ABCA5: variants seen among roughly 807,000 people sequenced by gnomAD.
ABCA5 encodes the protein ATP binding cassette subfamily A member 5, also known as cholesterol transporter ABCA5.
Under a neutral mutation model 206.0 loss-of-function variants are expected in ABCA5, and 163 were observed. The observed-to-expected ratio is 0.79, with a 90% confidence interval of 0.70 to 0.90. The LOEUF (loss-of-function observed/expected upper bound fraction) is 0.90. Among genes scored for constraint, ABCA5 ranks in the 40% least tolerant of loss-of-function variants. ABCA5 has a pLI of 0.00. For synonymous variants in ABCA5, 609 were observed against 613.8 expected (o/e 0.99, Z 0.11); for missense variants, 1,859 against 1,912.9 (o/e 0.97, Z 0.53).
chr17:69,320,466 C>T (rs2075854746), intron 1 of ABCA5, among the ~76,000 whole-genome samples: 1 of 152,014 alleles, frequency 6.6e-6, no homozygotes, highest in African/African-American at 2.4e-5. Context: ...TACTCAAAAG[C>T]TTTAGTCTAA....
Position 69,302,812 on chromosome 17 carries a change from C to G in ABCA5, c.1025G>C (p.Gly342Ala). 6.3e-7 allele frequency: 1 copy of G among 1,598,138 alleles called. No individual in the cohort carries two copies. Residue 342 changes from glycine to alanine, a missense_variant, in exon 8 of 39, where the codon GGC (glycine) becomes GCC (alanine). Coordinates refer to ENST00000392676, the MANE Select transcript of ABCA5 (RefSeq NM_172232.4). Reference protein sequence around the residue: ...FFVTVAFGFIGLMIILIESFP... With the variant: ...FFVTVAFGFIALMIILIESFP... ...ACTTTCTATGAGGATTATCATAAGGCCAATAAATCCAAAAGCCACAGTAAC... is the reference window on the plus strand; with the variant it reads ...ACTTTCTATGAGGATTATCATAAGGGCAATAAATCCAAAAGCCACAGTAAC...
At chr17:69,283,556 T>G (rs1202068194) in intron 18 of ABCA5, among the ~76,000 whole-genome samples, 1 of 152,228 alleles carries the variant, frequency 6.6e-6, no homozygotes, top group African/African-American at 2.4e-5. Context: ...GACTTTGCTG[T>G]GTAATAGCTT....
rs1477938476 is a variant in ABCA5, at chr17:69,271,236, T to C, written c.2818A>G (p.Thr940Ala). ...ACATAGTCACTGTCATTAATCATCG[T>C]CACCATTATGTTCTGGCTTGTGAAA... is the stretch of plus-strand genomic sequence containing the variant. ...SFFTSQNIMV[T>A]MINDSDYVSV... is the part of the protein sequence containing the mutation. Residue 940 changes from threonine to alanine, a missense_variant, in exon 21 of 39, where the codon ACG becomes GCG. Transcript: ENST00000392676. The C allele has an allele frequency of 1.9e-6, 3 of 1,613,566 alleles. No individual in the cohort carries two copies. Among genetic ancestry groups the C allele is most frequent in the South Asian group, 1.1e-5 (1 of 91,008 alleles).
At chr17:69,291,983 C>T (rs542647968) in intron 11 of ABCA5, among the ~76,000 whole-genome samples, 5 of 151,946 alleles carry the variant, frequency 3.3e-5, no homozygotes, top group Non-Finnish European at 7.4e-5. Flanking sequence ...CATGGTGGCA[C>T]CTGTAGTCCC....
At chr17:69,311,674 T>C (rs2075772015) in intron 3 of ABCA5, among the ~76,000 whole-genome samples, 1 of 152,046 alleles carries the variant, frequency 6.6e-6, no homozygotes, top group Non-Finnish European at 1.5e-5. Flanking sequence ...GTATTTTTAG[T>C]AGAGACAGGG....
At chr17:69,325,836 T>C (rs759399634) in intron 1 of ABCA5, 7 of 152,146 alleles carry the variant, frequency 4.6e-5, no homozygotes, top group African/African-American at 7.2e-5. Context: ...ATAAAAGACA[T>C]GCAATACACA....
intron 17 of ABCA5, among the ~76,000 whole-genome samples, chr17:69,285,017 C>T (rs1227108039): frequency 1.3e-5 from 2 of 152,190 alleles, no homozygotes; most frequent in African/African-American, 4.8e-5. Flanking sequence ...GGGTTCAAAA[C>T]TCAGCTCCAC....
In ABCA5 at chr17:69,294,648, T is replaced by G. The variant is rs748510339; in HGVS notation, c.1495+7A>C. ...ACTATGGCCTGAATACTAGGAAAAC[T>G]ACTTACTTCTCAAAGCCTCCACATT... On this transcript the variant is annotated splice_region_variant and intron_variant, in intron 11 of 38. Transcript: ENST00000392676. 1 of 1,598,676 alleles carries G rather than the reference T, an allele frequency of 6.3e-7. No homozygotes were observed. The highest frequency in any genetic ancestry group is 8.6e-7 in the Non-Finnish European group (1 of 1,168,084).
chr17:69,286,361 TA>T (rs1171297337), intron 15 of ABCA5, 50 bp from the exon 16 acceptor site: 1 of 1,479,674 alleles, frequency 6.8e-7, no homozygotes, highest in Non-Finnish European at 9.2e-7. Context: ...ACAGCATTAA[TA>T]ATTGGCATTT....
chr17:69,281,768 T>C (rs777549806), intron 18 of ABCA5, among the ~76,000 whole-genome samples: 4 of 152,328 alleles, frequency 2.6e-5, no homozygotes, highest in Non-Finnish European at 2.9e-5. Flanking sequence ...AATTAAATTC[T>C]AGTAATATTT....
In ABCA5 at chr17:69,253,609, G is replaced by A. The variant is rs1175947522; in HGVS notation, c.4379C>T (p.Ser1460Phe). 1 of 1,613,816 alleles carries A rather than the reference G, an allele frequency of 6.2e-7. No individual in the cohort carries two copies. The highest frequency in any genetic ancestry group is 2.2e-5 in the East Asian group (1 of 44,804). Residue 1460 changes from serine to phenylalanine, a missense_variant, in exon 34 of 39, where the codon TCT becomes TTT. Transcript: ENST00000392676. The stretch of plus-strand genomic sequence containing the variant: ...TTTGGCTTTGGGATCCATACCTGTA[G>A]ATGGTTCATCTAGCAAAGTAATCTG... ...NPQITLLDEPSTGMDPKAKQH... is the reference protein window; with the variant it reads ...NPQITLLDEPFTGMDPKAKQH...
intron 7 of ABCA5, among the ~76,000 whole-genome samples, chr17:69,303,861 T>TATATATACATATATATATACACATAC (rs1555584194): frequency 1.7e-5 from 1 of 59,504 alleles, no homozygotes; most frequent in African/African-American, 5.0e-5. Context: ...TATATGTATA[T>TATATATACATATATATATACACATAC]ATATATATAC....
chr17:69,257,298 G>C (rs928001819), intron 28 of ABCA5, among the ~76,000 whole-genome samples: 4 of 149,798 alleles, frequency 2.7e-5, no homozygotes, highest in Non-Finnish European at 5.9e-5. Flanking sequence ...TTCAACCAGT[G>C]AGCTGAGATC....
In ABCA5 at chr17:69,246,860, A is replaced by G. The variant is rs540333378; in HGVS notation, c.*677T>C. 97 of 152,080 alleles carry G rather than the reference A, an allele frequency of 6.4e-4. No homozygotes were observed. Among genetic ancestry groups the G allele is most frequent in the African/African-American group, 2.1e-3 (89 of 41,558 alleles). The allele number at this position is 152,080 out of a possible 1,614,324, so 9.4% of individuals were successfully genotyped here. On this transcript the variant is annotated 3_prime_UTR_variant, in exon 39 of 39. Transcript: ENST00000392676. The stretch of plus-strand genomic sequence containing the variant: ...CAGTCTTCCTTTAATTATAATAACT[A>G]AAACCTTCTGAATTTTACTTTAAAT...
chr17:69,274,613 C>A (rs934587169), intron 19 of ABCA5, among the ~76,000 whole-genome samples: 1 of 151,240 alleles, frequency 6.6e-6, no homozygotes, highest in African/African-American at 2.4e-5. Flanking sequence ...AATAAGAAAT[C>A]GTATTCCCCA....
rs1477828355 is a variant in ABCA5 at position 69,326,057 on chromosome 17, G to A, written c.-16+995C>T. Among the ~76,000 whole-genome samples, 1 of 152,040 alleles carries A rather than the reference G, an allele frequency of 6.6e-6. No individual in the cohort carries two copies. Among genetic ancestry groups the A allele is most frequent in the African/African-American group, 2.4e-5 (1 of 41,376 alleles). On this transcript the variant is annotated intron_variant, in intron 1 of 38. Transcript: ENST00000392676. The surrounding 1 kb of genome is among the most constrained non-coding windows in gnomAD (Gnocchi z 4.8). ...AAAACACATACAATATTGCTCTCCC[G>A]GCAAACACAAAATATACTAAATAAA...
intron 5 of ABCA5, 48 bp from the exon 6 acceptor site, chr17:69,307,002 C>A: frequency 7.4e-7 from 1 of 1,348,426 alleles, no homozygotes; most frequent in Non-Finnish European, 9.9e-7. Context: ...GTTATGATAG[C>A]AGCCCCTAGT....
At position 69,274,136 on chromosome 17, in the gene ABCA5, G is replaced by C; in HGVS notation, c.2595-8C>G. ...ATTAAAAGCAGAAGCAACCTGAAAAGAAAAAAAAAACAACACAGCTCAGGG... is the reference window on the plus strand; with the variant it reads ...ATTAAAAGCAGAAGCAACCTGAAAACAAAAAAAAAACAACACAGCTCAGGG... On this transcript the variant is annotated splice_polypyrimidine_tract_variant and splice_region_variant and intron_variant, in intron 19 of 38. Coordinates refer to ENST00000392676, the MANE Select transcript of ABCA5 (RefSeq NM_172232.4). 5.8e-6 allele frequency: 8 copies of C among 1,382,506 alleles called. No individual in the cohort carries two copies. The highest frequency in any genetic ancestry group is 1.9e-6 in the Non-Finnish European group (2 of 1,042,584). The allele number at this position is 1,382,506 out of a possible 1,614,324, so 85.6% of individuals were successfully genotyped here.
In ABCA5 at chr17:69,267,923, A is replaced by G; in HGVS notation, c.3144+20T>C. The G allele has an allele frequency of 7.0e-7, 1 of 1,426,516 alleles. No homozygotes were observed. The highest frequency in any genetic ancestry group is 9.8e-7 in the Non-Finnish European group (1 of 1,018,070). 88.4% of individuals were successfully genotyped at this position (1,426,516 alleles called of 1,614,324 possible). A position where few individuals can be genotyped will look rare whatever the true frequency, so the allele number is the denominator to read the frequency against. ...GACACTTCTTATTAGCAAATTATAT[A>G]TTTTTAACTGAGTCATTACCTTATG... On this transcript the variant is annotated intron_variant, in intron 23 of 38. Coordinates refer to ENST00000392676, the MANE Select transcript of ABCA5 (RefSeq NM_172232.4).
Sources: gnomAD v4.1 joint callset for allele counts (sites outside exome capture counted in the v4.1 genomes callset) on GRCh38, gnomAD v4.1.1 for gene constraint, Gnocchi (gnomAD v3.1) non-coding constraint, MANE v1.5 for transcripts, NCBI Gene and HGNC (gene_info 2026-07-23, HGNC 2026-07-21) for gene names.